Variants in LHFPL3 observed in about 807,000 individuals in gnomAD.
LHFPL3 encodes the protein LHFPL tetraspan subfamily member 3, also known as LHFPL tetraspan subfamily member 3 protein.
A neutral mutation model predicts 19.3 loss-of-function variants in LHFPL3; 5 were observed. That is an observed-to-expected ratio of 0.26 (90% confidence interval 0.14 to 0.54). The LOEUF is 0.54. Ranked by LOEUF, LHFPL3 falls within the 20% of genes least tolerant of loss-of-function variation. The pLI, the probability that LHFPL3 is intolerant of heterozygous loss-of-function variation, is 0.94. For missense variants in LHFPL3, 249 were observed against 307.4 expected (o/e 0.81, Z 1.42); for synonymous variants, 133 against 126.2 (o/e 1.05, Z -0.36).
At chr7:104,458,477 C>A (rs572596571) in intron 1 of LHFPL3, among the ~76,000 whole-genome samples, 1 of 152,016 alleles carries the variant, frequency 6.6e-6, no homozygotes, top group Non-Finnish European at 1.5e-5. Flanking sequence ...TGATCTATAC[C>A]TCTGTTTTGG....
intron 2 of LHFPL3, among the ~76,000 whole-genome samples, chr7:104,904,090 G>T (rs1247287219): frequency 4.6e-5 from 7 of 152,182 alleles, no homozygotes; most frequent in African/African-American, 1.7e-4. Context: ...CTGCCAGCAT[G>T]ACTCAATCTC....
intron 1 of LHFPL3, among the ~76,000 whole-genome samples, chr7:104,495,576 G>A (rs922119341): frequency 6.6e-6 from 1 of 152,072 alleles, no homozygotes; most frequent in Non-Finnish European, 1.5e-5. Flanking sequence ...GTAGAGATGG[G>A]GTTTCACCAT....
At chr7:104,748,275 T>G (rs1251972080) in intron 2 of LHFPL3, among the ~76,000 whole-genome samples, 4 of 151,898 alleles carry the variant, frequency 2.6e-5, no homozygotes, top group South Asian at 2.1e-4. Context: ...TCTCCCCATG[T>G]GATAGTCTGA....
At chr7:104,824,686 ATATAT>A (rs1337351249) in intron 2 of LHFPL3, among the ~76,000 whole-genome samples, 2 of 96,008 alleles carry the variant, frequency 2.1e-5, no homozygotes, top group Non-Finnish European at 3.7e-5. Context: ...ATTATATATA[ATATAT>A]ATTATATATA....
At chr7:104,877,039 C>T (rs1791958966) in intron 2 of LHFPL3, among the ~76,000 whole-genome samples, 1 of 152,160 alleles carries the variant, frequency 6.6e-6, no homozygotes, top group African/African-American at 2.4e-5. Flanking sequence ...AAAAACCAAA[C>T]ACCACATGTT....
At chr7:104,895,537 C>G (rs77648239) in intron 2 of LHFPL3, 1,650 of 152,514 alleles carry the variant, frequency 0.011, 21 homozygotes, top group African/African-American at 0.037. Flanking sequence ...CCTCAGGACA[C>G]TGCAGAGGTG....
chr7:104,527,516 A>C (rs1298235535), intron 1 of LHFPL3, among the ~76,000 whole-genome samples: 1 of 152,188 alleles, frequency 6.6e-6, no homozygotes, highest in Non-Finnish European at 1.5e-5. Context: ...AGAAGAGGGG[A>C]GGAACTAGTG....
intron 1 of LHFPL3, among the ~76,000 whole-genome samples, chr7:104,701,016 T>C (rs957758507): frequency 1.3e-5 from 2 of 152,176 alleles, no homozygotes; most frequent in African/African-American, 4.8e-5. Flanking sequence ...ACACTTTCAT[T>C]TTGCTGAAAA....
chr7:104,630,342 G>A (rs1791617710), intron 1 of LHFPL3, among the ~76,000 whole-genome samples: 1 of 152,152 alleles, frequency 6.6e-6, no homozygotes, highest in Non-Finnish European at 1.5e-5. Context: ...CTGGTTTACA[G>A]AAGGAAATAA....
intron 1 of LHFPL3, chr7:104,668,730 AAAG>A: frequency 7.5e-7 from 1 of 1,331,136 alleles, no homozygotes; most frequent in Non-Finnish European, 1.0e-6. Flanking sequence ...CCCCCCCCCC[AAAG>A]ACCCAAACTG....
chr7:104,484,349 C>A (rs557538422), intron 1 of LHFPL3, among the ~76,000 whole-genome samples: 10 of 152,280 alleles, frequency 6.6e-5, no homozygotes, highest in African/African-American at 2.4e-4. Context: ...CAAAGAAACA[C>A]CTTCCATCCC....
intron 1 of LHFPL3, among the ~76,000 whole-genome samples, chr7:104,464,018 A>G (rs192161731): frequency 2.0e-5 from 3 of 152,330 alleles, no homozygotes; most frequent in Admixed American, 6.5e-5. Flanking sequence ...TGAGCCTGTA[A>G]AATCAAAAAC....
intron 1 of LHFPL3, among the ~76,000 whole-genome samples, chr7:104,423,121 A>G (rs1053555735): frequency 3.3e-5 from 5 of 152,174 alleles, no homozygotes. Context: ...GAGGTGATGC[A>G]TGTTACAAGA....
chr7:104,462,529 T>C (rs1341707502), intron 1 of LHFPL3, among the ~76,000 whole-genome samples: 1 of 152,240 alleles, frequency 6.6e-6, no homozygotes, highest in Admixed American at 6.5e-5. Context: ...GTTTATGTGA[T>C]GAGTCACATT....
chr7:104,386,082 C>A (rs1020231383), intron 1 of LHFPL3, among the ~76,000 whole-genome samples: 1 of 152,140 alleles, frequency 6.6e-6, no homozygotes, highest in Admixed American at 6.5e-5. Context: ...CTATTCCCAT[C>A]CTCCTCCCCC....
intron 1 of LHFPL3, among the ~76,000 whole-genome samples, chr7:104,483,279 G>C (rs1015142270): frequency 6.6e-6 from 1 of 152,060 alleles, no homozygotes; most frequent in African/African-American, 2.4e-5. Flanking sequence ...CAGTGGGATG[G>C]AAAAAAATTT....
At chr7:104,841,225 ATCACCCCTATGATCCCAGGGATCAT>A (rs1429488864) in intron 2 of LHFPL3, among the ~76,000 whole-genome samples, 1 of 152,146 alleles carries the variant, frequency 6.6e-6, no homozygotes, top group African/African-American at 2.4e-5. Flanking sequence ...TAATTGGAAT[ATCACCCCTATGATCCCAGGGATCAT>A]TTTCAGGGGT....
At chr7:104,886,146 G>A (rs1209830496) in intron 2 of LHFPL3, among the ~76,000 whole-genome samples, 2 of 152,208 alleles carry the variant, frequency 1.3e-5, no homozygotes, top group Non-Finnish European at 2.9e-5. Context: ...TAAGGTTTAT[G>A]AAAGCTAGGA....
chr7:104,378,717 A>C (rs1420311899), intron 1 of LHFPL3, among the ~76,000 whole-genome samples: 1 of 152,076 alleles, frequency 6.6e-6, no homozygotes, highest in African/African-American at 2.4e-5. Context: ...GCAGTATCTC[A>C]TGTTAATTTG....
Sources: gnomAD v4.1 joint callset for allele counts (sites outside exome capture counted in the v4.1 genomes callset) on GRCh38, gnomAD v4.1.1 for gene constraint, MANE v1.5 for transcripts, NCBI Gene and HGNC (gene_info 2026-07-23, HGNC 2026-07-21) for gene names.